CNTLN: variants seen among roughly 807,000 people sequenced by gnomAD.
CNTLN encodes centlein.
A neutral mutation model predicts 180.0 loss-of-function variants in CNTLN; 212 were observed. The observed-to-expected ratio is 1.18, with a 90% CI of 1.05 to 1.32. CNTLN has a LOEUF of 1.32. CNTLN is among the 40% of genes most tolerant of loss of function. The pLI is 0.00. For synonymous variants in CNTLN, 722 were observed against 563.1 expected (o/e 1.28, Z -3.99); for missense variants, 2,095 against 1,610.9 (o/e 1.30, Z -5.14).
chr9:17,278,455 G>C (rs894823770), intron 6 of CNTLN, among the ~76,000 whole-genome samples: 1 of 151,862 alleles, frequency 6.6e-6, no homozygotes, highest in African/African-American at 2.4e-5. Flanking sequence ...AGTGTGGTGT[G>C]TCATTCCATT....
intron 1 of CNTLN, among the ~76,000 whole-genome samples, chr9:17,140,812 AT>A (rs1818038714): frequency 6.6e-6 from 1 of 152,190 alleles, no homozygotes; most frequent in Non-Finnish European, 1.5e-5. Flanking sequence ...TATGCCATAA[AT>A]ATATGCAATT....
chr9:17,141,500 A>C (rs1818091107), intron 1 of CNTLN, among the ~76,000 whole-genome samples: 1 of 152,160 alleles, frequency 6.6e-6, no homozygotes, highest in African/African-American at 2.4e-5. Context: ...TGTGTGAACA[A>C]GGAGGAAAGT....
At position 17,466,802 on chromosome 9, in the gene CNTLN, G is replaced by C. The variant is rs1405202320; in HGVS notation, c.3766G>C (p.Ala1256Pro). The change falls in exon 23 of 26, where the codon GCA becomes CCA. Residue 1256 changes from alanine to proline, a missense_variant. Coordinates refer to ENST00000380647, the MANE Select transcript of CNTLN (RefSeq NM_017738.4). ...AGCATCTAAGCAGCTTCAAGAATTA[G>C]CATTGCAAAGTGAACAGGTCCTAGA... ...TAASKQLQEL[A>P]LQSEQVLEGA... is the part of the protein sequence containing the mutation. 1 of 1,611,134 alleles carries C rather than the reference G, an allele frequency of 6.2e-7. No homozygotes were observed. The highest frequency in any genetic ancestry group is 1.7e-5 in the Admixed American group (1 of 59,760).
chr9:17,417,261 C>T (rs1203287058), intron 18 of CNTLN, among the ~76,000 whole-genome samples: 1 of 152,104 alleles, frequency 6.6e-6, no homozygotes, highest in Admixed American at 6.6e-5. Context: ...ATACATTTTA[C>T]TGGCTAGAAT....
At chr9:17,259,050 C>T (rs1443138020) in intron 5 of CNTLN, among the ~76,000 whole-genome samples, 1 of 148,256 alleles carries the variant, frequency 6.7e-6, no homozygotes, top group African/African-American at 2.6e-5. Flanking sequence ...CTGTCTTGTG[C>T]CAGTTTTCAA....
intron 5 of CNTLN, among the ~76,000 whole-genome samples, chr9:17,239,124 G>C (rs1403863265): frequency 2.0e-5 from 3 of 152,108 alleles, no homozygotes; most frequent in Non-Finnish European, 4.4e-5. Flanking sequence ...TGCAACCTCT[G>C]CCTTCCCGGG....
chr9:17,502,667 G>T lies in CNTLN; in HGVS notation c.*15G>T. 9.4e-7 allele frequency: 1 copy of T among 1,064,924 alleles called. No homozygotes were observed. Among genetic ancestry groups the T allele is most frequent in the Non-Finnish European group, 1.3e-6 (1 of 746,720 alleles). The allele number at this position is 1,064,924 out of a possible 1,614,324, so 66.0% of individuals were successfully genotyped here. A position where few individuals can be genotyped will look rare whatever the true frequency, so the allele number is the denominator to read the frequency against. ...ATATTAGATGATATTAAAATGGAGAGCTTTATTGCAAATGTGAAAACTTTT... is the reference window on the plus strand; with the variant it reads ...ATATTAGATGATATTAAAATGGAGATCTTTATTGCAAATGTGAAAACTTTT... On this transcript the variant is annotated 3_prime_UTR_variant, in exon 26 of 26. Transcript: ENST00000380647.
chr9:17,420,102 T>C (rs1359527337), intron 18 of CNTLN, among the ~76,000 whole-genome samples: 1 of 151,910 alleles, frequency 6.6e-6, no homozygotes, highest in African/African-American at 2.4e-5. Flanking sequence ...TTCGGTGGAG[T>C]TGGGGTTTCA....
intron 2 of CNTLN, among the ~76,000 whole-genome samples, chr9:17,163,375 T>C (rs534681407): frequency 6.6e-6 from 1 of 152,370 alleles, no homozygotes; most frequent in African/African-American, 2.4e-5. Flanking sequence ...TTAGAAATTT[T>C]TCTAGAAATA....
intron 23 of CNTLN, among the ~76,000 whole-genome samples, chr9:17,473,008 A>C (rs7018471): frequency 0.029 from 4,477 of 151,984 alleles, 208 homozygotes; most frequent in African/African-American, 0.1. Flanking sequence ...TATATCCTCA[A>C]CTTCCTCATA....
intron 19 of CNTLN, among the ~76,000 whole-genome samples, chr9:17,462,116 C>T (rs1057394216): frequency 7.2e-5 from 11 of 151,888 alleles, no homozygotes; most frequent in Non-Finnish European, 1.5e-4. Context: ...CCCGAAACAT[C>T]GTGGCTTAAA....
chr9:17,400,150 T>G (rs1012505120), intron 15 of CNTLN, among the ~76,000 whole-genome samples: 3 of 152,182 alleles, frequency 2.0e-5, no homozygotes, highest in African/African-American at 7.2e-5. Context: ...ATTTATTTAT[T>G]TTTTTGAGAT....
intron 5 of CNTLN, among the ~76,000 whole-genome samples, chr9:17,268,946 C>G (rs1182311751): frequency 6.6e-6 from 1 of 152,022 alleles, no homozygotes; most frequent in Non-Finnish European, 1.5e-5. Flanking sequence ...TCACCCCTTT[C>G]TTTGACTAGG....
Position 17,177,980 on chromosome 9 carries a change from A to G in CNTLN, c.449+34604A>G, listed in dbSNP as rs541489099. The stretch of plus-strand genomic sequence containing the variant: ...TGCATTTACAATCCCTGAGCTAGAC[A>G]CAAAAGTTCTCCACATCCCCACTAG... On this transcript the variant is annotated intron_variant, in intron 2 of 25. Transcript: ENST00000380647. Among the ~76,000 whole-genome samples the G allele has an allele frequency of 1.2e-4, 18 of 152,048 alleles. No homozygotes were observed. In the East Asian group the frequency reaches 3.3e-3, roughly 28 times the overall value.
At position 17,135,274 on chromosome 9, in the gene CNTLN, G is replaced by C. The variant is rs376268060; in HGVS notation, c.209G>C (p.Gly70Ala). The C allele has an allele frequency of 4.4e-5, 70 of 1,602,314 alleles. 2 individuals carry two copies. The highest frequency in any genetic ancestry group is 2.9e-4 in the African/African-American group (22 of 74,986). Reference protein sequence around the residue: ...EEGSGGRRGPGGAAPAHAPLL... With the variant: ...EEGSGGRRGPAGAAPAHAPLL... ...GGGTCAGGGGGCCGGCGAGGGCCTG[G>C]GGGGGCAGCTCCGGCTCATGCTCCC... Residue 70 changes from glycine to alanine, a missense_variant, in exon 1 of 26, where the codon GGG (glycine) becomes GCG (alanine). By Grantham distance (60) the Gly-to-Ala change is moderately conservative (BLOSUM62 0). Coordinates refer to ENST00000380647, the MANE Select transcript of CNTLN (RefSeq NM_017738.4).
chr9:17,141,133 C>G (rs1818059167), intron 1 of CNTLN, among the ~76,000 whole-genome samples: 1 of 152,136 alleles, frequency 6.6e-6, no homozygotes, highest in Non-Finnish European at 1.5e-5. Flanking sequence ...AGTCATATAA[C>G]CCATAAGGCA....
In CNTLN at chr9:17,363,182, C is replaced by T. The variant is rs111297479; in HGVS notation, c.1887-3435C>T. 6.0e-3 allele frequency among the ~76,000 whole-genome samples: 908 copies of T among 152,180 alleles called. 11 individuals are homozygous for T. The highest frequency in any genetic ancestry group is 0.021 in the African/African-American group (861 of 41,552). ...CCAAGCCTTTGCTATTGTGAACAAA[C>T]ATACAAGTGCGTGTGCCTTTATAGT... On this transcript the variant is annotated intron_variant, in intron 12 of 25. Transcript: ENST00000380647.
the CNTLN span, among the ~76,000 whole-genome samples, chr9:17,525,116 G>T: frequency 6.6e-6 from 1 of 152,102 alleles, no homozygotes; most frequent in Non-Finnish European, 1.5e-5. Context: ...GGAAAATGAG[G>T]CTCAGCTGCT....
chr9:17,309,234 T>G lies in CNTLN; in HGVS notation c.1323T>G (p.Asp441Glu), dbSNP rs185446802. 8 of 1,594,796 alleles carry G rather than the reference T, an allele frequency of 5.0e-6. No individual in the cohort carries two copies. Among genetic ancestry groups the G allele is most frequent in the Non-Finnish European group, 6.0e-6 (7 of 1,171,510 alleles). Reference protein sequence around the residue: ...GAPLPLPQESDPDYSAQVPHR... With the variant: ...GAPLPLPQESEPDYSAQVPHR... ...CTCTTCCTTTACCTCAAGAAAGTGA[T>G]CCAGACTACTCAGCACAGGTGAGAG... The change falls in exon 8 of 26, where the codon GAT (aspartate) becomes GAG (glutamate). Residue 441 changes from aspartate to glutamate, a missense_variant. Transcript: ENST00000380647.
Sources: gnomAD v4.1 joint callset for allele counts (sites outside exome capture counted in the v4.1 genomes callset) on GRCh38, gnomAD v4.1.1 for gene constraint, MANE v1.5 for transcripts, NCBI Gene and HGNC (gene_info 2026-07-23, HGNC 2026-07-21) for gene names.